The following KCNIP4 variants were observed in gnomAD, a reference collection of about 807,000 sequenced individuals.
KCNIP4 encodes Kv channel-interacting protein 4.
Under a neutral mutation model 34.0 loss-of-function variants are expected in KCNIP4, and 12 were observed. That is an observed-to-expected ratio of 0.35 (90% confidence interval 0.23 to 0.57). KCNIP4 has a LOEUF of 0.57. KCNIP4 is among the 20% of genes least tolerant of loss of function. KCNIP4 has a pLI of 0.83. For missense variants in KCNIP4, 238 were observed against 311.7 expected (o/e 0.76, Z 1.78); for synonymous variants, 124 against 102.2 (o/e 1.21, Z -1.29).
At chr4:21,264,362 G>A (rs775109946) in intron 1 of KCNIP4, among the ~76,000 whole-genome samples, 1 of 152,072 alleles carries the variant, frequency 6.6e-6, no homozygotes, top group Non-Finnish European at 1.5e-5. Context: ...ATACAAGAAA[G>A]ACAAAGCAAA....
rs374908933 is a variant in KCNIP4 at position 21,376,720 on chromosome 4, T to C, written c.62-494011A>G. Among the ~76,000 whole-genome samples the C allele has an allele frequency of 5.3e-5, 8 of 152,356 alleles. No individual in the cohort carries two copies. In the South Asian group the frequency reaches 1.4e-3, roughly 28 times the overall value. ...CTGGTCTCCACAACTCATTTGTTCATGACTTGAGAATAACGGGTCTTCATA... is the reference window on the plus strand; with the variant it reads ...CTGGTCTCCACAACTCATTTGTTCACGACTTGAGAATAACGGGTCTTCATA... On this transcript the variant is annotated intron_variant, in intron 1 of 8. Transcript: ENST00000382152.
chr4:21,844,096 T>C (rs1466498796), intron 1 of KCNIP4: 4 of 152,046 alleles, frequency 2.6e-5, no homozygotes, highest in African/African-American at 9.7e-5. Flanking sequence ...TCCTTACATG[T>C]TGAAGGTAAT....
chr4:21,427,082 T>G (rs1384868492), intron 1 of KCNIP4, among the ~76,000 whole-genome samples: 1 of 152,116 alleles, frequency 6.6e-6, no homozygotes, highest in Non-Finnish European at 1.5e-5. Flanking sequence ...GAATTTTCAA[T>G]ACATGACTGA....
At chr4:21,278,152 C>T (rs1045836792) in intron 1 of KCNIP4, among the ~76,000 whole-genome samples, 4 of 151,810 alleles carry the variant, frequency 2.6e-5, no homozygotes, top group Admixed American at 1.3e-4. Context: ...GAGAGAGCAG[C>T]AAATCAGAAG....
intron 1 of KCNIP4, among the ~76,000 whole-genome samples, chr4:21,775,203 A>G (rs956660224): frequency 2.0e-5 from 3 of 151,812 alleles, no homozygotes; most frequent in African/African-American, 2.4e-5. Context: ...TCTTCTTTCA[A>G]CAGTCAGGTC....
rs1560369219 is a variant in KCNIP4 at position 21,400,519 on chromosome 4, T to TCCC, written c.62-517811_62-517810insGGG. 3.7e-3 allele frequency among the ~76,000 whole-genome samples: 170 copies of TCCC among 46,226 alleles called. 2 individuals carry two copies. The highest frequency in any genetic ancestry group is 0.014 in the African/African-American group (144 of 10,368). The allele number at this position is 46,226 out of a possible 152,430, so 30.3% of individuals were successfully genotyped here. A position where few individuals can be genotyped will look rare whatever the true frequency, so the allele number is the denominator to read the frequency against. ...CCTCCCTTCCCCTCCCTTCCTCTTC[T>TCCC]CTTCTCTTCTCTTCTCTTCTCTTCT... On this transcript the variant is annotated intron_variant, in intron 1 of 8. Transcript: ENST00000382152.
chr4:21,709,195 T>C (rs1713524633), intron 1 of KCNIP4, among the ~76,000 whole-genome samples: 1 of 152,032 alleles, frequency 6.6e-6, no homozygotes, highest in Non-Finnish European at 1.5e-5. Context: ...AAAAAAGAAT[T>C]AAAAAGAACA....
intron 1 of KCNIP4, among the ~76,000 whole-genome samples, chr4:21,643,015 C>T (rs1324775042): frequency 2.6e-5 from 4 of 152,180 alleles, no homozygotes; most frequent in Middle Eastern, 3.4e-3. Context: ...ATAACTGTAA[C>T]CTATTGAGGT....
chr4:21,498,807 G>A (rs946119842), intron 1 of KCNIP4, among the ~76,000 whole-genome samples: 4 of 152,106 alleles, frequency 2.6e-5, no homozygotes, highest in African/African-American at 9.7e-5. Flanking sequence ...CAATAGAGGT[G>A]GGTGTTGGAT....
chr4:21,670,717 G>A (rs1749418824), intron 1 of KCNIP4, among the ~76,000 whole-genome samples: 1 of 151,962 alleles, frequency 6.6e-6, no homozygotes, highest in East Asian at 1.9e-4. Flanking sequence ...GTGCAGTGGC[G>A]CGATCTTGGC....
chr4:21,648,061 G>T (rs57305375), intron 1 of KCNIP4, among the ~76,000 whole-genome samples: 3 of 151,630 alleles, frequency 2.0e-5, no homozygotes, highest in Admixed American at 1.3e-4. Flanking sequence ...TTTTAGTGGA[G>T]ATGGGGTTTC....
chr4:21,370,816 T>TAC (rs1720294554), intron 1 of KCNIP4, among the ~76,000 whole-genome samples: 2 of 20,950 alleles, frequency 9.5e-5, no homozygotes, highest in Non-Finnish European at 1.5e-4. Context: ...TATATATATA[T>TAC]ATATATATAT....
intron 1 of KCNIP4, among the ~76,000 whole-genome samples, chr4:21,243,727 T>C (rs901274186): frequency 7.2e-5 from 11 of 152,200 alleles, no homozygotes; most frequent in Non-Finnish European, 1.5e-4. Flanking sequence ...GGCTCTTCCA[T>C]AGCTAGTGAT....
Position 21,074,652 on chromosome 4 carries a change from A to C in KCNIP4, c.62-191943T>G, listed in dbSNP as rs181566867. ...CTCTGTCTCCTTCAGTTCTGCTCTG[A>C]TCTTAGTTATTTCTTGCCTTCTGCT... is the stretch of plus-strand genomic sequence containing the variant. On this transcript the variant is annotated intron_variant, in intron 1 of 8. Coordinates refer to ENST00000382152, the MANE Select transcript of KCNIP4 (RefSeq NM_025221.6). Among the ~76,000 whole-genome samples, 801 of 151,874 alleles carry C rather than the reference A, an allele frequency of 5.3e-3. 7 individuals carry two copies. The highest frequency in any genetic ancestry group is 0.019 in the African/African-American group (768 of 41,372).
intron 1 of KCNIP4, among the ~76,000 whole-genome samples, chr4:20,989,578 C>T (rs771583466): frequency 2.0e-4 from 31 of 152,076 alleles, no homozygotes; most frequent in East Asian, 7.7e-4. Flanking sequence ...TGGCATTATC[C>T]GGAAGGTTGC....
At chr4:21,442,234 G>GA (rs1007430041) in intron 1 of KCNIP4, among the ~76,000 whole-genome samples, 18 of 150,834 alleles carry the variant, frequency 1.2e-4, no homozygotes, top group East Asian at 5.8e-4. Flanking sequence ...TCGCCAGGAG[G>GA]AAAAAAAAAG....
chr4:20,821,868 G>A (rs926074739), intron 3 of KCNIP4, among the ~76,000 whole-genome samples: 1 of 152,156 alleles, frequency 6.6e-6, no homozygotes, highest in Admixed American at 6.6e-5. Flanking sequence ...GTGTGTGTGT[G>A]TGTATCTATG....
At chr4:20,861,776 TAAC>T (rs1045937850) in intron 2 of KCNIP4, among the ~76,000 whole-genome samples, 1 of 152,048 alleles carries the variant, frequency 6.6e-6, no homozygotes, top group African/African-American at 2.4e-5. Flanking sequence ...TTATGAAATA[TAAC>T]AACCCAGTGG....
chr4:20,855,175 A>C (rs1286944945), intron 2 of KCNIP4, among the ~76,000 whole-genome samples: 1 of 152,108 alleles, frequency 6.6e-6, no homozygotes, highest in Non-Finnish European at 1.5e-5. Context: ...ATTTGGAAAT[A>C]TATTAGGGTT....
Sources: allele counts gnomAD v4.1 joint callset (sites outside exome capture counted in the v4.1 genomes callset), GRCh38; gene constraint gnomAD v4.1.1; transcripts MANE v1.5; gene names NCBI Gene and HGNC (gene_info 2026-07-23, HGNC 2026-07-21).